The following TLN1 variants were observed in gnomAD, a reference collection of about 807,000 sequenced individuals.
TLN1 encodes talin 1.
Under a neutral mutation model 292.3 loss-of-function variants are expected in TLN1, and 56 were observed. The ratio of observed to expected loss-of-function variants is 0.19; its 90% CI spans 0.15 to 0.24. The LOEUF is 0.24. Ranked by LOEUF, TLN1 falls within the 10% of genes least tolerant of loss-of-function variation. The pLI, the probability that TLN1 is intolerant of heterozygous loss-of-function variation, is 1.00. For missense variants in TLN1, 2,433 were observed against 3,248.2 expected (o/e 0.75, Z 6.10); for synonymous variants, 1,119 against 1,253.7 (o/e 0.89, Z 2.27).
Position 35,724,473 on chromosome 9 carries a change from T to C in TLN1, c.511+99A>G, listed in dbSNP as rs1199496020. 1 of 1,561,878 alleles carries C rather than the reference T, an allele frequency of 6.4e-7. No homozygotes were observed. Among genetic ancestry groups the C allele is most frequent in the Admixed American group, 1.8e-5 (1 of 55,606 alleles). On this transcript the variant is annotated intron_variant, in intron 5 of 56. Coordinates refer to ENST00000314888, the MANE Select transcript of TLN1 (RefSeq NM_006289.4). This position sits in a 1 kb window ranked among gnomAD's most constrained non-coding sequence, Gnocchi z 4.7. The stretch of plus-strand genomic sequence containing the variant: ...GTAGGACTTTGTTTTCTCACTGATG[T>C]ATCCCCAGGGTGTAAAACAGTGCCT...
chr9:35,712,750 G>C (rs932235898), intron 27 of TLN1, 85 bp downstream of exon 27: 9 of 1,236,066 alleles, frequency 7.3e-6, no homozygotes, highest in Non-Finnish European at 1.0e-5. Flanking sequence ...GAGTGTGGAC[G>C]AGGCTCAGAA....
chr9:35,719,984 C>T lies in TLN1; in HGVS notation c.1464+55G>A, dbSNP rs1825852300. 5 of 1,584,634 alleles carry T rather than the reference C, an allele frequency of 3.2e-6. No individual in the cohort carries two copies. Among genetic ancestry groups the T allele is most frequent in the South Asian group, 1.2e-5 (1 of 86,682 alleles). On this transcript the variant is annotated intron_variant, in intron 13 of 56. Coordinates refer to ENST00000314888, the MANE Select transcript of TLN1 (RefSeq NM_006289.4). This position sits in a 1 kb window ranked among gnomAD's most constrained non-coding sequence, Gnocchi z 4.6. ...AAAGACTGCCTAACTCCTGGCTCGGCCCAGCTGAGGGTGAGAGAAGGGCCC... is the reference window on the plus strand; with the variant it reads ...AAAGACTGCCTAACTCCTGGCTCGGTCCAGCTGAGGGTGAGAGAAGGGCCC...
At position 35,706,361 on chromosome 9, in the gene TLN1, G is replaced by A. The variant is rs1825565457; in HGVS notation, c.5196C>T (p.Ser1732=). ...AEASQLGHKV[S]QMAQYFEPLT... is the part of the protein sequence containing the mutation. Reference sequence around the variant, plus strand: ...GCGGCTCAAAGTACTGCGCCATCTGGGACACCTGAGGCAAGGGGTTGGACT... The same window carrying A: ...GCGGCTCAAAGTACTGCGCCATCTGAGACACCTGAGGCAAGGGGTTGGACT... The change falls in exon 40 of 57, where the codon TCC becomes TCT. Residue 1732 remains serine, a synonymous_variant. Transcript: ENST00000314888. This position sits in a 1 kb window ranked among gnomAD's most constrained non-coding sequence, Gnocchi z 4.2. The A allele has an allele frequency of 6.2e-7, 1 of 1,609,118 alleles. No individual in the cohort carries two copies. Among genetic ancestry groups the A allele is most frequent in the Non-Finnish European group, 8.5e-7 (1 of 1,177,384 alleles).
intron 48 of TLN1, among the ~76,000 whole-genome samples, chr9:35,702,479 A>G (rs568183961): frequency 3.3e-5 from 5 of 151,968 alleles, no homozygotes; most frequent in African/African-American, 1.2e-4. Flanking sequence ...GGGAAGAAAG[A>G]ATTTCATTTT....
rs574795385 is a variant in TLN1, at chr9:35,715,067, G to A, written c.2746C>T (p.Arg916Cys). 19 of 1,612,846 alleles carry A rather than the reference G, an allele frequency of 1.2e-5. No individual in the cohort carries two copies. Among genetic ancestry groups the A allele is most frequent in the South Asian group, 6.6e-5 (6 of 91,018 alleles). The stretch of plus-strand genomic sequence containing the variant: ...GAAACTCCCAGCCTCACCTCCAGGC[G>A]CTGCACCAGCTTTTTCTTGATGGCA... ...QNAIKKKLVQ[R>C]LEHAAKQAAA... The change falls in exon 21 of 57, where the codon CGC (arginine) becomes TGC (cysteine). Residue 916 changes from arginine to cysteine, a missense_variant. By Grantham distance (180) the Arg-to-Cys change is radical. Coordinates refer to ENST00000314888, the MANE Select transcript of TLN1 (RefSeq NM_006289.4).
chr9:35,713,395 T>C, intron 25 of TLN1, 97 bp from the exon 26 acceptor site: 1 of 985,600 alleles, frequency 1.0e-6, no homozygotes, highest in Admixed American at 2.5e-5. Context: ...TTTAAATAAA[T>C]GTTTTGGGCT....
At position 35,729,983 on chromosome 9, in the gene TLN1, G is replaced by C. The variant is rs72727057; in HGVS notation, c.-34+2092C>G. Among the ~76,000 whole-genome samples, 492 of 87,870 alleles carry C rather than the reference G, an allele frequency of 5.6e-3. 3 individuals are homozygous for C. The highest frequency in any genetic ancestry group is 0.017 in the African/African-American group (465 of 27,402). The allele number at this position is 87,870 out of a possible 152,430, so 57.6% of individuals were successfully genotyped here. A position where few individuals can be genotyped will look rare whatever the true frequency, so the allele number is the denominator to read the frequency against. ...GGTGTAGAAAAAGGATGAGAAGACAGGGTGTAGAAAAAGAATGCTGGTGAT... is the reference window on the plus strand; with the variant it reads ...GGTGTAGAAAAAGGATGAGAAGACACGGTGTAGAAAAAGAATGCTGGTGAT... On this transcript the variant is annotated intron_variant, in intron 1 of 56. Transcript: ENST00000314888.
At position 35,699,592 on chromosome 9, in the gene TLN1, C is replaced by G. The variant is rs894635972; in HGVS notation, c.6769-131G>C. ...TCCACACCATAGCCCTCAAACTCCA[C>G]GCTGCCTATCCAAGTACACATCATG... On this transcript the variant is annotated intron_variant, in intron 50 of 56. Coordinates refer to ENST00000314888, the MANE Select transcript of TLN1 (RefSeq NM_006289.4). The surrounding 1 kb of genome is among the most constrained non-coding windows in gnomAD (Gnocchi z 4.0). 1 of 1,429,974 alleles carries G rather than the reference C, an allele frequency of 7.0e-7. No individual in the cohort carries two copies. The highest frequency in any genetic ancestry group is 9.1e-7 in the Non-Finnish European group (1 of 1,094,474). 88.6% of individuals were successfully genotyped at this position (1,429,974 alleles called of 1,614,324 possible).
Position 35,714,666 on chromosome 9 carries a change from G to A in TLN1, c.2893C>T (p.Leu965=). The A allele has an allele frequency of 1.2e-6, 2 of 1,614,104 alleles. No individual in the cohort carries two copies. Among genetic ancestry groups the A allele is most frequent in the Non-Finnish European group, 8.5e-7 (1 of 1,180,046 alleles). The change falls in exon 23 of 57, where the codon CTG becomes TTG. Residue 965 remains leucine, a synonymous_variant. Transcript: ENST00000314888. This position sits in a 1 kb window ranked among gnomAD's most constrained non-coding sequence, Gnocchi z 4.6. The stretch of plus-strand genomic sequence containing the variant: ...CTTCCTCGGACGCCCTGCACCAGCA[G>A]TGGAATCTGCTCTGCCACTGCCTGT... ...SCKAVAEQIP[L]LVQGVRGSQA...
At chr9:35,725,511 G>T in intron 2 of TLN1, 54 bp downstream of exon 2, 1 of 1,596,092 alleles carries the variant, frequency 6.3e-7, no homozygotes, top group East Asian at 2.2e-5. Flanking sequence ...GAGAGCCTGG[G>T]AACAAGAAGG....
rs752341000 is a variant in TLN1, at chr9:35,721,663, G to A, written c.1089C>T (p.Pro363=). 6.2e-7 allele frequency: 1 copy of A among 1,613,496 alleles called. No homozygotes were observed. The highest frequency in any genetic ancestry group is 8.5e-7 in the Non-Finnish European group (1 of 1,179,472). The change falls in exon 10 of 57, where the codon CCC becomes CCT. Residue 363 remains proline, a synonymous_variant. Transcript: ENST00000314888. The stretch of plus-strand genomic sequence containing the variant: ...CCAGACTTACCAGGGTGAAGCTTTT[G>A]GGAGACGCAGCCCAGCGTTTGATGT... The part of the protein sequence containing the change: ...LTNIKRWAAS[P]KSFTLDFGDY...
At chr9:35,723,865 G>T in intron 7 of TLN1, 87 bp downstream of exon 7, 1 of 1,564,738 alleles carries the variant, frequency 6.4e-7, no homozygotes, top group Non-Finnish European at 8.6e-7. Context: ...ATAGTGGGGG[G>T]CAGGCTTGGA....
Position 35,699,265 on chromosome 9 carries a change from C to A in TLN1, c.6874+91G>T. 1 of 1,555,258 alleles carries A rather than the reference C, an allele frequency of 6.4e-7. No homozygotes were observed. Among genetic ancestry groups the A allele is most frequent in the South Asian group, 1.2e-5 (1 of 82,544 alleles). On this transcript the variant is annotated intron_variant, in intron 51 of 56. Transcript: ENST00000314888. The surrounding 1 kb of genome is among the most constrained non-coding windows in gnomAD (Gnocchi z 4.0). ...CCCTGGCATCTGTGGGGACTATGGT[C>A]AGAGGCTAGCACAGAGCTGTCCAGC...
Position 35,719,987 on chromosome 9 carries a change from A to G in TLN1, c.1464+52T>C. The stretch of plus-strand genomic sequence containing the variant: ...GACTGCCTAACTCCTGGCTCGGCCC[A>G]GCTGAGGGTGAGAGAAGGGCCCTGG... On this transcript the variant is annotated intron_variant, in intron 13 of 56. Coordinates refer to ENST00000314888, the MANE Select transcript of TLN1 (RefSeq NM_006289.4). The surrounding 1 kb of genome is among the most constrained non-coding windows in gnomAD (Gnocchi z 4.6). The G allele has an allele frequency of 6.3e-7, 1 of 1,583,814 alleles. No homozygotes were observed. The highest frequency in any genetic ancestry group is 2.2e-5 in the East Asian group (1 of 44,612).
chr9:35,726,242 A>G (rs780745885), intron 1 of TLN1, among the ~76,000 whole-genome samples: 1 of 152,208 alleles, frequency 6.6e-6, no homozygotes, highest in Non-Finnish European at 1.5e-5. Flanking sequence ...GAGGGAAAGG[A>G]GAAGCTGGTC....
chr9:35,709,009 A>C (rs1432548153), intron 33 of TLN1, among the ~76,000 whole-genome samples: 2 of 152,244 alleles, frequency 1.3e-5, no homozygotes, highest in East Asian at 3.8e-4. Flanking sequence ...AGAACATCCT[A>C]ATGTTTGATT....
Position 35,707,487 on chromosome 9 carries a change from G to A in TLN1, c.4634C>T (p.Ala1545Val), listed in dbSNP as rs943902713. 3 of 1,613,654 alleles carry A rather than the reference G, an allele frequency of 1.9e-6. No individual in the cohort carries two copies. The highest frequency in any genetic ancestry group is 1.1e-5 in the South Asian group (1 of 91,076). ...CTCCTCTGTGAAGGCCCCATCTAGC[G>A]CCTAGAAGTGACAGAGAGGCTCTCA... ...STANLVKTIK[A>V]LDGAFTEENR... The change falls in exon 36 of 57, where the codon GCG (alanine) becomes GTG (valine). Residue 1545 changes from alanine (A) to valine (V), a missense_variant and splice_region_variant. Transcript: ENST00000314888. This position sits in a 1 kb window ranked among gnomAD's most constrained non-coding sequence, Gnocchi z 5.6.
In TLN1 at chr9:35,719,331, C is replaced by A; in HGVS notation, c.1688-49G>T. On this transcript the variant is annotated intron_variant, in intron 15 of 56. Coordinates refer to ENST00000314888, the MANE Select transcript of TLN1 (RefSeq NM_006289.4). This position sits in a 1 kb window ranked among gnomAD's most constrained non-coding sequence, Gnocchi z 4.6. ...AACATGAGAGACAGGGCAGGCCAGA[C>A]GAAGGGCTGGGGAGGGAGCAAAGTC... 6.3e-7 allele frequency: 1 copy of A among 1,577,824 alleles called. No individual in the cohort carries two copies. Among genetic ancestry groups the A allele is most frequent in the Non-Finnish European group, 8.7e-7 (1 of 1,153,790 alleles).
rs959241550 is a variant in TLN1 at position 35,724,467 on chromosome 9, C to G, written c.511+105G>C. 11 of 1,561,268 alleles carry G rather than the reference C, an allele frequency of 7.0e-6. No individual in the cohort carries two copies. Among genetic ancestry groups the G allele is most frequent in the Non-Finnish European group, 8.7e-6 (10 of 1,148,082 alleles). On this transcript the variant is annotated intron_variant, in intron 5 of 56. Transcript: ENST00000314888. This position sits in a 1 kb window ranked among gnomAD's most constrained non-coding sequence, Gnocchi z 4.7. ...ATGAGTGTAGGACTTTGTTTTCTCA[C>G]TGATGTATCCCCAGGGTGTAAAACA... is the stretch of plus-strand genomic sequence containing the variant.
Sources: allele counts gnomAD v4.1 joint callset (sites outside exome capture counted in the v4.1 genomes callset), GRCh38; gene constraint gnomAD v4.1.1; non-coding constraint Gnocchi (gnomAD v3.1); transcripts MANE v1.5; gene names NCBI Gene and HGNC (gene_info 2026-07-23, HGNC 2026-07-21).